Variants in ARPP21 observed in about 807,000 individuals in gnomAD.
The protein encoded by ARPP21 is cAMP regulated phosphoprotein 21.
ARPP21 carries 69 observed loss-of-function variants against 113.2 expected under a neutral mutation model. The observed-to-expected ratio is 0.61, with a 90% CI of 0.50 to 0.74. The LOEUF (loss-of-function observed/expected upper bound fraction) is 0.74. ARPP21 is among the 30% of genes least tolerant of loss of function. ARPP21 has a pLI of 0.00. For missense variants in ARPP21, 1,070 were observed against 1,037.4 expected (o/e 1.03, Z -0.43); for synonymous variants, 368 against 375.5 (o/e 0.98, Z 0.23).
chr3:35,681,837 T>G lies in ARPP21; in HGVS notation c.86T>G (p.Val29Gly). Residue 29 changes from valine to glycine, a missense_variant, in exon 3 of 21, where the codon GTT becomes GGT. Transcript: ENST00000684406. ...ACGGCCACTCCAGAGAACGGCATTG[T>G]TAAATCAGAAAGTCTGGATGAAGAG... ...QETATPENGIVKSESLDEEEK... is the reference protein window; with the variant it reads ...QETATPENGIGKSESLDEEEK... 1 of 1,612,186 alleles carries G rather than the reference T, an allele frequency of 6.2e-7. No individual in the cohort carries two copies. The highest frequency in any genetic ancestry group is 8.5e-7 in the Non-Finnish European group (1 of 1,178,800).
At position 35,721,728 on chromosome 3, in the gene ARPP21, T is replaced by TCTAAAGCC; in HGVS notation, c.1121_1128dup (p.Ala377Ter). On this transcript the variant is annotated frameshift_variant, in exon 14 of 21. Coordinates refer to ENST00000684406, the MANE Select transcript of ARPP21 (RefSeq NM_001385562.1). LOFTEE classifies it high-confidence loss of function. The stretch of plus-strand genomic sequence containing the variant: ...CAGACTCCGACAGTTCCAACCGCAA[T>TCTAAAGCC]CTAAAGCCCGCCATGACCAAGACGG... The TCTAAAGCC allele has an allele frequency of 6.2e-7, 1 of 1,613,804 alleles. No homozygotes were observed. Among genetic ancestry groups the TCTAAAGCC allele is most frequent in the Non-Finnish European group, 8.5e-7 (1 of 1,179,914 alleles).
At chr3:35,732,149 C>T (rs1342728196) in intron 15 of ARPP21, among the ~76,000 whole-genome samples, 2 of 151,966 alleles carry the variant, frequency 1.3e-5, no homozygotes, top group Non-Finnish European at 2.9e-5. Flanking sequence ...GATAAAACAT[C>T]TGTTTTAAGC....
At chr3:35,681,654 C>A in intron 2 of ARPP21, 60 bp from the exon 3 acceptor site, 1 of 844,214 alleles carries the variant, frequency 1.2e-6, no homozygotes, top group South Asian at 2.2e-5. Flanking sequence ...AATGAAATCT[C>A]TAAAGAATGA....
chr3:35,673,930 T>G (rs1553650431), intron 1 of ARPP21, among the ~76,000 whole-genome samples: 1 of 151,988 alleles, frequency 6.6e-6, no homozygotes, highest in Non-Finnish European at 1.5e-5. Flanking sequence ...GCCTTTTTTC[T>G]TTGTGTTGAA....
At chr3:35,751,213 G>C (rs1213352401) in intron 19 of ARPP21, among the ~76,000 whole-genome samples, 1 of 152,028 alleles carries the variant, frequency 6.6e-6, no homozygotes, top group Non-Finnish European at 1.5e-5. Flanking sequence ...GAAACTGTAG[G>C]GATGTGTCTC....
intron 1 of ARPP21, chr3:35,651,940 A>T (rs1490357641): frequency 6.6e-6 from 1 of 152,108 alleles, no homozygotes; most frequent in Non-Finnish European, 1.5e-5. Flanking sequence ...ATGCTTCCAC[A>T]TCAATGGTTC....
At chr3:35,654,553 A>T (rs1575463785) in intron 1 of ARPP21, among the ~76,000 whole-genome samples, 1 of 152,078 alleles carries the variant, frequency 6.6e-6, no homozygotes, top group Admixed American at 6.6e-5. Flanking sequence ...GAATTAGCCC[A>T]TGTGAGCTTT....
chr3:35,654,696 G>A (rs1575465344), intron 1 of ARPP21, among the ~76,000 whole-genome samples: 1 of 152,144 alleles, frequency 6.6e-6, no homozygotes, highest in East Asian at 1.9e-4. Flanking sequence ...CAGATGTGCA[G>A]GATCAGGGTG....
chr3:35,703,978 G>A (rs1161782969), intron 9 of ARPP21, among the ~76,000 whole-genome samples: 1 of 151,640 alleles, frequency 6.6e-6, no homozygotes, highest in Non-Finnish European at 1.5e-5. Context: ...AATACTTCAG[G>A]TATATGCCTT....
chr3:35,740,895 C>T (rs1237638392), intron 18 of ARPP21, among the ~76,000 whole-genome samples: 1 of 151,680 alleles, frequency 6.6e-6, no homozygotes, highest in Non-Finnish European at 1.5e-5. Flanking sequence ...CCTGGGAGTT[C>T]GAGACCAGCC....
chr3:35,771,601 T>C (rs760536053), intron 19 of ARPP21, among the ~76,000 whole-genome samples: 1 of 152,200 alleles, frequency 6.6e-6, no homozygotes, highest in Non-Finnish European at 1.5e-5. Flanking sequence ...AGTGCTGGGA[T>C]TACAGGCATG....
intron 1 of ARPP21, among the ~76,000 whole-genome samples, chr3:35,644,285 T>A (rs1300261450): frequency 6.6e-6 from 1 of 151,918 alleles, no homozygotes; most frequent in African/African-American, 2.4e-5. Flanking sequence ...ATAATTTAAT[T>A]AATTTTGCTC....
rs1697604685 is a variant in ARPP21, at chr3:35,640,293, C to A, written c.-318C>A. 1 of 152,266 alleles carries A rather than the reference C, an allele frequency of 6.6e-6. No homozygotes were observed. Among genetic ancestry groups the A allele is most frequent in the Non-Finnish European group, 1.5e-5 (1 of 68,134 alleles). The allele number at this position is 152,266 out of a possible 1,614,324, so 9.4% of individuals were successfully genotyped here. ...AAGCCAAAAGCCAAAACAAACAAATCCAGCCAAATCAATCATTGAGAAACA... is the reference window on the plus strand; with the variant it reads ...AAGCCAAAAGCCAAAACAAACAAATACAGCCAAATCAATCATTGAGAAACA... On this transcript the variant is annotated 5_prime_UTR_variant, in exon 1 of 21. Coordinates refer to ENST00000684406, the MANE Select transcript of ARPP21 (RefSeq NM_001385562.1).
intron 8 of ARPP21, 55 bp downstream of exon 8, chr3:35,690,195 G>A: frequency 1.2e-6 from 1 of 847,002 alleles, no homozygotes; most frequent in Non-Finnish European, 2.1e-6. Context: ...TTTGGTATTG[G>A]AGTTAAATTG....
chr3:35,648,571 C>G (rs960588079), intron 1 of ARPP21, among the ~76,000 whole-genome samples: 3 of 152,112 alleles, frequency 2.0e-5, no homozygotes, highest in African/African-American at 7.2e-5. Context: ...TGGACAGGGC[C>G]GCTGATCTGG....
At chr3:35,688,646 A>G (rs919288362) in intron 6 of ARPP21, among the ~76,000 whole-genome samples, 1 of 151,628 alleles carries the variant, frequency 6.6e-6, no homozygotes, top group Non-Finnish European at 1.5e-5. Flanking sequence ...CTGAGAAATG[A>G]CAACCGCCTC....
chr3:35,671,036 ATATT>A (rs1243967099), intron 1 of ARPP21, among the ~76,000 whole-genome samples: 3 of 152,140 alleles, frequency 2.0e-5, no homozygotes, highest in African/African-American at 7.2e-5. Flanking sequence ...ACTCTTTTGC[ATATT>A]TATTTTCATA....
At chr3:35,759,787 T>A (rs1004275984) in intron 19 of ARPP21, among the ~76,000 whole-genome samples, 11 of 151,958 alleles carry the variant, frequency 7.2e-5, no homozygotes, top group Non-Finnish European at 1.3e-4. Context: ...CAGATTTGAT[T>A]TCTTCCGAAG....
chr3:35,718,828 G>T (rs979125510), intron 13 of ARPP21, among the ~76,000 whole-genome samples: 2 of 150,294 alleles, frequency 1.3e-5, no homozygotes, highest in Admixed American at 1.3e-4. Context: ...TTACAAGAGG[G>T]CCCAGCTCCA....
Sources: allele counts gnomAD v4.1 joint callset (sites outside exome capture counted in the v4.1 genomes callset), GRCh38; gene constraint gnomAD v4.1.1; transcripts MANE v1.5; gene names NCBI Gene and HGNC (gene_info 2026-07-23, HGNC 2026-07-21).